SLAIN1: variants seen among roughly 807,000 people sequenced by gnomAD.
SLAIN1 encodes the protein SLAIN motif-containing protein 1.
A neutral mutation model predicts 55.4 loss-of-function variants in SLAIN1; 17 were observed. The ratio of observed to expected loss-of-function variants is 0.31; its 90% confidence interval spans 0.21 to 0.46. The LOEUF is 0.46. Ranked by LOEUF, SLAIN1 falls within the 20% of genes least tolerant of loss-of-function variation. The pLI is 1.00. For synonymous variants in SLAIN1, 348 were observed against 337.4 expected (o/e 1.03, Z -0.35); for missense variants, 682 against 785.1 (o/e 0.87, Z 1.57).
chr13:77,746,603 A>G lies in SLAIN1; in HGVS notation c.1006A>G (p.Ser336Gly). 4.3e-6 allele frequency: 7 copies of G among 1,613,706 alleles called. No homozygotes were observed. The highest frequency in any genetic ancestry group is 5.9e-6 in the Non-Finnish European group (7 of 1,179,754). Reference protein sequence around the residue: ...SLSSGKKGTCSDQEYDQYSLE... With the variant: ...SLSSGKKGTCGDQEYDQYSLE... ...GAGTTCAGGAAAAAAAGGGACATGTAGTGATCAAGAATATGACCAATACAG... is the reference window on the plus strand; with the variant it reads ...GAGTTCAGGAAAAAAAGGGACATGTGGTGATCAAGAATATGACCAATACAG... Residue 336 changes from serine to glycine, a missense_variant, in exon 4 of 7, where the codon AGT becomes GGT. Physicochemically the swap from Ser to Gly is moderately conservative, Grantham distance 56 (BLOSUM62 0). This residue lies in a region of SLAIN1 where 37 missense variants were observed against 72.6 expected (regional missense o/e 0.51). Transcript: ENST00000418532.
At chr13:77,710,637 A>G (rs965303829) in intron 1 of SLAIN1, among the ~76,000 whole-genome samples, 7 of 152,172 alleles carry the variant, frequency 4.6e-5, no homozygotes, top group African/African-American at 1.7e-4. Flanking sequence ...CCACACAATA[A>G]TAGTGGGAGA....
Position 77,698,234 on chromosome 13 carries a change from T to TGGCGGCAGC in SLAIN1, c.324_332dup (p.Gly109_Gly111dup). ...GGCTGGCGCTGGGCGCGGGGGGCGG[T>TGGCGGCAGC]GGCGGCAGCGGTAGTGGCAGCGGCG... On this transcript the variant is annotated inframe_insertion, in exon 1 of 7. Coordinates refer to ENST00000418532, the MANE Select transcript of SLAIN1 (RefSeq NM_001242868.2). The surrounding 1 kb of genome is among the most constrained non-coding windows in gnomAD (Gnocchi z 4.1). 3.7e-6 allele frequency: 5 copies of TGGCGGCAGC among 1,341,400 alleles called. No individual in the cohort carries two copies. Among genetic ancestry groups the TGGCGGCAGC allele is most frequent in the Non-Finnish European group, 4.8e-6 (5 of 1,042,870 alleles). The allele number at this position is 1,341,400 out of a possible 1,614,324, so 83.1% of individuals were successfully genotyped here.
At chr13:77,703,855 A>G (rs1463145099) in intron 1 of SLAIN1, among the ~76,000 whole-genome samples, 2 of 148,814 alleles carry the variant, frequency 1.3e-5, no homozygotes, top group East Asian at 2.0e-4. Flanking sequence ...ATTACCACAT[A>G]TTACTTTTCA....
At chr13:77,707,440 ATTGT>A (rs2091101764) in intron 1 of SLAIN1, among the ~76,000 whole-genome samples, 1 of 151,808 alleles carries the variant, frequency 6.6e-6, no homozygotes, top group Non-Finnish European at 1.5e-5. Flanking sequence ...TGTTCCCTGC[ATTGT>A]TTTTCTCTTT....
intron 1 of SLAIN1, among the ~76,000 whole-genome samples, chr13:77,703,033 A>G (rs2091046633): frequency 6.6e-6 from 1 of 152,160 alleles, no homozygotes; most frequent in Non-Finnish European, 1.5e-5. Context: ...CACCTCAACC[A>G]GGAAGATGGT....
At chr13:77,758,751 T>C (rs907027303) in intron 5 of SLAIN1, among the ~76,000 whole-genome samples, 3 of 152,226 alleles carry the variant, frequency 2.0e-5, no homozygotes, top group Non-Finnish European at 4.4e-5. Context: ...TTAGGGTTTA[T>C]TTCTGGGTTC....
chr13:77,746,024 G>A (rs939738466), intron 3 of SLAIN1, among the ~76,000 whole-genome samples: 7 of 152,104 alleles, frequency 4.6e-5, no homozygotes, highest in African/African-American at 1.7e-4. Context: ...GAACAATAGA[G>A]AGATGACCTT....
intron 2 of SLAIN1, among the ~76,000 whole-genome samples, chr13:77,734,887 G>A (rs1316788006): frequency 6.6e-6 from 1 of 151,958 alleles, no homozygotes; most frequent in African/African-American, 2.4e-5. Flanking sequence ...AGGTGTAGTG[G>A]CACATGTCTG....
intron 2 of SLAIN1, among the ~76,000 whole-genome samples, chr13:77,735,281 C>T (rs749172065): frequency 4.6e-5 from 7 of 152,034 alleles, no homozygotes; most frequent in African/African-American, 7.2e-5. Flanking sequence ...GACTGGAACT[C>T]GGGCATCTGA....
At chr13:77,729,505 T>A (rs573420088) in intron 2 of SLAIN1, among the ~76,000 whole-genome samples, 1 of 103,362 alleles carries the variant, frequency 9.7e-6, no homozygotes, top group South Asian at 3.3e-4. Flanking sequence ...GTGAAATTCT[T>A]TTTTTTTTTT....
chr13:77,707,558 C>G (rs1016460047), intron 1 of SLAIN1, among the ~76,000 whole-genome samples: 1 of 152,022 alleles, frequency 6.6e-6, no homozygotes, highest in Admixed American at 6.6e-5. Flanking sequence ...AAGGAGGTGC[C>G]GAAGCCGATC....
intron 1 of SLAIN1, among the ~76,000 whole-genome samples, chr13:77,709,423 ACTC>A (rs1256757864): frequency 6.6e-6 from 1 of 152,114 alleles, no homozygotes; most frequent in African/African-American, 2.4e-5. Flanking sequence ...CAACAAAGAT[ACTC>A]CTCGAGAAGA....
intron 2 of SLAIN1, among the ~76,000 whole-genome samples, chr13:77,721,593 CTT>C (rs1023770131): frequency 1.3e-5 from 2 of 151,626 alleles, no homozygotes; most frequent in Non-Finnish European, 2.9e-5. Context: ...GGTCAACAAA[CTT>C]TTTTTTGAAA....
rs908351090 is a variant in SLAIN1, at chr13:77,711,522, C to T, written c.627-8010C>T. Among the ~76,000 whole-genome samples the T allele has an allele frequency of 1.8e-4, 28 of 152,064 alleles. No individual in the cohort carries two copies. The South Asian group carries it at 2.3e-3, about 12-fold the overall frequency. On this transcript the variant is annotated intron_variant, in intron 1 of 6. Transcript: ENST00000418532. ...CACAAACACCCTCCCCAGACTAAACCAGGAAGAAGTCGAATCCCTGAATAG... is the reference window on the plus strand; with the variant it reads ...CACAAACACCCTCCCCAGACTAAACTAGGAAGAAGTCGAATCCCTGAATAG...
intron 3 of SLAIN1, among the ~76,000 whole-genome samples, chr13:77,745,423 C>T (rs1566241326): frequency 6.6e-6 from 1 of 151,732 alleles, no homozygotes; most frequent in African/African-American, 2.4e-5. Flanking sequence ...CTTAAAATTT[C>T]AGTTAAAATG....
At chr13:77,728,811 G>T (rs1373490911) in intron 2 of SLAIN1, among the ~76,000 whole-genome samples, 1 of 152,104 alleles carries the variant, frequency 6.6e-6, no homozygotes, top group Admixed American at 6.6e-5. Flanking sequence ...CTCCTTGCTT[G>T]GCCCAAGATG....
At chr13:77,731,978 G>A (rs1872889236) in intron 2 of SLAIN1, among the ~76,000 whole-genome samples, 1 of 152,094 alleles carries the variant, frequency 6.6e-6, no homozygotes, top group Non-Finnish European at 1.5e-5. Context: ...GTATATTTTA[G>A]TGTTGTTTTG....
intron 2 of SLAIN1, chr13:77,741,068 C>T: frequency 4.0e-6 from 3 of 750,984 alleles, no homozygotes; most frequent in Non-Finnish European, 4.9e-6. Flanking sequence ...TGCAGGGAGG[C>T]TGGGTCACAG....
At chr13:77,739,039 A>G (rs1594279992) in intron 2 of SLAIN1, among the ~76,000 whole-genome samples, 1 of 152,014 alleles carries the variant, frequency 6.6e-6, no homozygotes, top group Admixed American at 6.6e-5. Flanking sequence ...TCACCTGTTT[A>G]ACCACTTTTC....
Sources: gnomAD v4.1 joint callset for allele counts (sites outside exome capture counted in the v4.1 genomes callset) on GRCh38, gnomAD v4.1.1 for gene constraint, gnomAD v4.1.1 regional missense constraint, Gnocchi (gnomAD v3.1) non-coding constraint, MANE v1.5 for transcripts, NCBI Gene and HGNC (gene_info 2026-07-23, HGNC 2026-07-21) for gene names.